C8orf34: variants seen among roughly 807,000 people sequenced by gnomAD.
C8orf34 encodes uncharacterized protein C8orf34.
A neutral mutation model predicts 68.3 loss-of-function variants in C8orf34; 65 were observed. The ratio of observed to expected loss-of-function variants is 0.95; its 90% CI spans 0.78 to 1.17. The LOEUF is 1.17. Ranked by LOEUF, C8orf34 falls within the 50% of genes most tolerant of loss-of-function variation. The probability of loss-of-function intolerance (pLI) is 0.00; values close to 1 mark genes in which losing one functional copy is unlikely to be tolerated. For missense variants in C8orf34, 664 were observed against 655.4 expected (o/e 1.01, Z -0.14); for synonymous variants, 244 against 241.2 (o/e 1.01, Z -0.11).
chr8:68,656,178 T>C (rs1382558961), intron 8 of C8orf34, among the ~76,000 whole-genome samples: 3 of 152,180 alleles, frequency 2.0e-5, no homozygotes, highest in Non-Finnish European at 4.4e-5. Context: ...GACTCAACCA[T>C]ATGCTAGCAA....
chr8:68,621,901 T>G (rs1818399693), intron 7 of C8orf34, among the ~76,000 whole-genome samples: 1 of 152,208 alleles, frequency 6.6e-6, no homozygotes, highest in Non-Finnish European at 1.5e-5. Flanking sequence ...AACACCCATT[T>G]ATTATCCCAC....
intron 8 of C8orf34, among the ~76,000 whole-genome samples, chr8:68,649,041 A>G (rs918927235): frequency 6.6e-6 from 1 of 152,126 alleles, no homozygotes; most frequent in Non-Finnish European, 1.5e-5. Flanking sequence ...TAACTATTTT[A>G]CACGTTTATA....
At chr8:68,550,353 G>A (rs1297315402) in intron 7 of C8orf34, among the ~76,000 whole-genome samples, 2 of 151,664 alleles carry the variant, frequency 1.3e-5, no homozygotes, top group Non-Finnish European at 3.0e-5. Flanking sequence ...TTCATGGGTA[G>A]TTCAAATACC....
At chr8:68,684,785 TA>T (rs57249629) in intron 8 of C8orf34, among the ~76,000 whole-genome samples, 110 of 150,980 alleles carry the variant, frequency 7.3e-4, no homozygotes, top group Admixed American at 1.6e-3. Flanking sequence ...GGCTGCTTAT[TA>T]AAAAAAAAAT....
chr8:68,492,833 A>G (rs1471693671), intron 5 of C8orf34, among the ~76,000 whole-genome samples: 1 of 151,784 alleles, frequency 6.6e-6, no homozygotes, highest in Admixed American at 6.6e-5. Flanking sequence ...CACAAATGAC[A>G]GAGTTTTTGT....
intron 7 of C8orf34, among the ~76,000 whole-genome samples, chr8:68,590,921 G>T (rs569378183): frequency 3.9e-5 from 6 of 152,242 alleles, no homozygotes; most frequent in Non-Finnish European, 7.4e-5. Flanking sequence ...GCTATATCGT[G>T]GGGGAGCTCT....
intron 2 of C8orf34, among the ~76,000 whole-genome samples, chr8:68,445,163 G>A (rs1811069568): frequency 6.6e-6 from 1 of 152,136 alleles, no homozygotes; most frequent in South Asian, 2.1e-4. Context: ...GGATTTTGGA[G>A]GTGGACAAAT....
chr8:68,490,469 CT>C (rs1471275459), intron 5 of C8orf34, among the ~76,000 whole-genome samples: 12 of 152,104 alleles, frequency 7.9e-5, no homozygotes, highest in Non-Finnish European at 1.6e-4. Context: ...AAGTGTCAGC[CT>C]CAGGACATGG....
intron 7 of C8orf34, among the ~76,000 whole-genome samples, chr8:68,600,353 A>G (rs1447234475): frequency 1.3e-5 from 2 of 152,180 alleles, no homozygotes; most frequent in East Asian, 3.9e-4. Context: ...TTTTAGTTCA[A>G]ACATCATATA....
intron 8 of C8orf34, among the ~76,000 whole-genome samples, chr8:68,674,438 A>C (rs1820115862): frequency 6.6e-6 from 1 of 152,172 alleles, no homozygotes; most frequent in Non-Finnish European, 1.5e-5. Flanking sequence ...CTATCAAATA[A>C]ATTTAACAAA....
intron 4 of C8orf34, among the ~76,000 whole-genome samples, chr8:68,472,598 T>C (rs1242350114): frequency 6.6e-6 from 1 of 152,008 alleles, no homozygotes; most frequent in Non-Finnish European, 1.5e-5. Flanking sequence ...GATATTATTA[T>C]TGCTAGTACT....
intron 10 of C8orf34, among the ~76,000 whole-genome samples, chr8:68,738,331 C>T (rs1000036538): frequency 6.6e-6 from 1 of 152,068 alleles, no homozygotes; most frequent in South Asian, 2.1e-4. Context: ...CCACTAAATG[C>T]CCACATTGAA....
At chr8:68,736,124 A>G (rs1239594134) in intron 10 of C8orf34, among the ~76,000 whole-genome samples, 2 of 152,324 alleles carry the variant, frequency 1.3e-5, no homozygotes, top group Non-Finnish European at 2.9e-5. Context: ...AAGTTAAAGC[A>G]TAACATCCTC....
chr8:68,522,284 G>A lies in C8orf34; in HGVS notation c.938+313G>A, dbSNP rs763827214. Among the ~76,000 whole-genome samples the A allele has an allele frequency of 6.6e-5, 10 of 152,122 alleles. No homozygotes were observed. The South Asian group carries it at 1.7e-3, about 25-fold the overall frequency. On this transcript the variant is annotated intron_variant, in intron 6 of 13. Coordinates refer to ENST00000518698, the MANE Select transcript of C8orf34 (RefSeq NM_052958.4). ...CTACTATAATATTGGACAGAGAGTG[G>A]CTGGCTGTTAAGAATTGGAGAGGAG...
chr8:68,737,652 A>G (rs972765927), intron 10 of C8orf34, among the ~76,000 whole-genome samples: 6 of 152,118 alleles, frequency 3.9e-5, no homozygotes, highest in Non-Finnish European at 5.9e-5. Context: ...CTTTAAATCA[A>G]CAAAGATTAA....
At chr8:68,782,905 GAA>G (rs984931179) in intron 11 of C8orf34, among the ~76,000 whole-genome samples, 11 of 145,360 alleles carry the variant, frequency 7.6e-5, no homozygotes, top group African/African-American at 2.8e-4. Context: ...ATGAGTTAAA[GAA>G]AAAAAAAAGA....
At chr8:68,491,150 A>G (rs374214510) in intron 5 of C8orf34, among the ~76,000 whole-genome samples, 9 of 152,166 alleles carry the variant, frequency 5.9e-5, no homozygotes, top group African/African-American at 2.2e-4. Context: ...GGCCTTTTAC[A>G]TTACTTTGTG....
chr8:68,666,634 G>T (rs16919105), intron 8 of C8orf34, among the ~76,000 whole-genome samples: 1 of 151,966 alleles, frequency 6.6e-6, no homozygotes, highest in Non-Finnish European at 1.5e-5. Context: ...GAACTGAGTA[G>T]GAAATCATAA....
chr8:68,568,907 C>T (rs1563535569), intron 7 of C8orf34, among the ~76,000 whole-genome samples: 1 of 137,574 alleles, frequency 7.3e-6, no homozygotes. Context: ...ACTCTGCCAT[C>T]GTAAACTTGA....
Sources: allele counts gnomAD v4.1 joint callset (sites outside exome capture counted in the v4.1 genomes callset), GRCh38; gene constraint gnomAD v4.1.1; transcripts MANE v1.5; gene names NCBI Gene and HGNC (gene_info 2026-07-23, HGNC 2026-07-21).